The following GRM7 variants were observed in gnomAD, a reference collection of about 807,000 sequenced individuals.
GRM7 encodes the protein metabotropic glutamate receptor 7.
GRM7 carries 35 observed loss-of-function variants against 84.5 expected under a neutral mutation model. The ratio of observed to expected loss-of-function variants is 0.41; its 90% CI spans 0.32 to 0.55. The LOEUF (loss-of-function observed/expected upper bound fraction) is 0.55. GRM7 is among the 20% of genes least tolerant of loss of function. GRM7 has a pLI of 0.19. For missense variants in GRM7, 1,003 were observed against 1,194.6 expected, an observed-to-expected ratio of 0.84 and a Z score of 2.36; for synonymous variants, 487 against 455.1, an observed-to-expected ratio of 1.07 and a Z score of -0.89.
rs999062615 is a variant in GRM7 at position 7,486,196 on chromosome 3, T to C, written c.1515+24474T>C. On this transcript the variant is annotated intron_variant, in intron 7 of 9. Transcript: ENST00000357716. This position sits in a 1 kb window ranked among gnomAD's most constrained non-coding sequence, Gnocchi z 5.5. Reference sequence around the variant, plus strand: ...GTAGAAAAGAACAAGTAAAATGTCATGAGTTTTCATAATTTTTTGGTTCCT... The same window carrying C: ...GTAGAAAAGAACAAGTAAAATGTCACGAGTTTTCATAATTTTTTGGTTCCT... Among the ~76,000 whole-genome samples the C allele has an allele frequency of 6.6e-6, 1 of 152,206 alleles. No individual in the cohort carries two copies. Among genetic ancestry groups the C allele is most frequent in the Non-Finnish European group, 1.5e-5 (1 of 68,028 alleles).
intron 1 of GRM7, among the ~76,000 whole-genome samples, chr3:7,136,389 C>G (rs1480045124): frequency 1.3e-5 from 2 of 151,524 alleles, no homozygotes; most frequent in Non-Finnish European, 2.9e-5. Context: ...CCTGAGGCAT[C>G]ATAGTTTATG....
intron 4 of GRM7, among the ~76,000 whole-genome samples, chr3:7,411,375 A>G: frequency 6.6e-6 from 1 of 152,190 alleles, no homozygotes; most frequent in East Asian, 1.9e-4. Flanking sequence ...AAATAGTTAT[A>G]ACATTACCAC....
At chr3:7,090,829 C>T (rs938579537) in intron 1 of GRM7, among the ~76,000 whole-genome samples, 18 of 152,042 alleles carry the variant, frequency 1.2e-4, no homozygotes, top group Non-Finnish European at 2.1e-4. Flanking sequence ...TCAAGGTCAG[C>T]CATGAGTCTT....
intron 1 of GRM7, among the ~76,000 whole-genome samples, chr3:7,073,642 T>C (rs1697960162): frequency 6.6e-6 from 1 of 152,194 alleles, no homozygotes; most frequent in African/African-American, 2.4e-5. Context: ...CCTGTTGCTG[T>C]CGATGAGTAC....
chr3:7,543,391 AG>A (rs1009210470), intron 7 of GRM7, among the ~76,000 whole-genome samples: 66 of 152,228 alleles, frequency 4.3e-4, no homozygotes, highest in African/African-American at 1.4e-3. Flanking sequence ...CAGAAAGCAA[AG>A]ATATAAGATG....
intron 1 of GRM7, among the ~76,000 whole-genome samples, chr3:6,971,500 A>C (rs575119690): frequency 3.2e-4 from 49 of 152,268 alleles, no homozygotes; most frequent in African/African-American, 1.2e-3. Flanking sequence ...AAAATCAAGA[A>C]ACGGATATTT....
At chr3:6,986,227 C>T (rs1388130640) in intron 1 of GRM7, among the ~76,000 whole-genome samples, 2 of 152,022 alleles carry the variant, frequency 1.3e-5, no homozygotes, top group South Asian at 2.1e-4. Context: ...AATGAAAAAA[C>T]CCAAAAAACA....
intron 7 of GRM7, among the ~76,000 whole-genome samples, chr3:7,463,800 A>G (rs1868616): frequency 0.18 from 27,770 of 152,150 alleles, 2,676 homozygotes; most frequent in South Asian, 0.38. Context: ...AGCCATACTC[A>G]TGCAACCCCT....
intron 5 of GRM7, among the ~76,000 whole-genome samples, chr3:7,451,469 C>A (rs1485938033): frequency 6.6e-6 from 1 of 152,078 alleles, no homozygotes; most frequent in African/African-American, 2.4e-5. Flanking sequence ...ATCTCCCTGG[C>A]AAAGTAAACA....
intron 1 of GRM7, among the ~76,000 whole-genome samples, chr3:6,888,068 G>T (rs12497670): frequency 0.012 from 1,788 of 152,064 alleles, 18 homozygotes; most frequent in Middle Eastern, 0.031. Context: ...GCCCACTTTT[G>T]GATGGGGTTG....
At chr3:7,437,006 T>C (rs1292059766) in intron 5 of GRM7, among the ~76,000 whole-genome samples, 4 of 152,182 alleles carry the variant, frequency 2.6e-5, no homozygotes, top group South Asian at 2.1e-4. Flanking sequence ...TTGGATACAA[T>C]AGACATCAAG....
chr3:7,132,070 C>T (rs1158693075), intron 1 of GRM7, among the ~76,000 whole-genome samples: 2 of 152,158 alleles, frequency 1.3e-5, no homozygotes, highest in East Asian at 3.9e-4. Flanking sequence ...CCTCCTCTCT[C>T]CCAATTAGCT....
chr3:7,635,588 G>T (rs1442909493), intron 8 of GRM7, among the ~76,000 whole-genome samples: 2 of 152,206 alleles, frequency 1.3e-5, no homozygotes, highest in African/African-American at 4.8e-5. Context: ...TTCAGCCCTT[G>T]TTGGGAGTTG....
At chr3:7,047,505 C>T (rs975867696) in intron 1 of GRM7, among the ~76,000 whole-genome samples, 3 of 151,984 alleles carry the variant, frequency 2.0e-5, no homozygotes, top group African/African-American at 7.2e-5. Context: ...AGTGTCTTGC[C>T]CCAGGCCACA....
chr3:6,944,359 C>T (rs529465370), intron 1 of GRM7, among the ~76,000 whole-genome samples: 7 of 152,104 alleles, frequency 4.6e-5, no homozygotes, highest in African/African-American at 1.7e-4. Flanking sequence ...CCCTTTTCTC[C>T]TGGTTTTCTC....
At chr3:7,527,266 T>C (rs1700844417) in intron 7 of GRM7, among the ~76,000 whole-genome samples, 1 of 152,072 alleles carries the variant, frequency 6.6e-6, no homozygotes, top group African/African-American at 2.4e-5. Context: ...TATTTGTAGG[T>C]ATTTTATTCT....
chr3:7,223,347 C>CT (rs1370727791), intron 2 of GRM7, among the ~76,000 whole-genome samples: 1 of 151,984 alleles, frequency 6.6e-6, no homozygotes, highest in Non-Finnish European at 1.5e-5. Context: ...GCCTTCATCT[C>CT]TTACTACTAC....
Position 7,565,626 on chromosome 3 carries a change from C to T in GRM7, c.1516-12796C>T, listed in dbSNP as rs1694222556. Among the ~76,000 whole-genome samples the T allele has an allele frequency of 2.0e-5, 3 of 152,168 alleles. No homozygotes were observed. In the South Asian group the frequency reaches 6.2e-4, roughly 32 times the overall value. On this transcript the variant is annotated intron_variant, in intron 7 of 9. Coordinates refer to ENST00000357716, the MANE Select transcript of GRM7 (RefSeq NM_000844.4). ...ACGGATATCTCTGCCAAATTGTGCA[C>T]AGTTATATGGGAGGTATGAGAGCAA...
intron 1 of GRM7, among the ~76,000 whole-genome samples, chr3:7,068,403 C>G (rs184483875): frequency 4.1e-3 from 617 of 152,112 alleles, no homozygotes; most frequent in Middle Eastern, 0.01. Flanking sequence ...AAGGCCTGCA[C>G]CATCAAGTAA....
Sources: allele counts gnomAD v4.1 joint callset (sites outside exome capture counted in the v4.1 genomes callset), GRCh38; gene constraint gnomAD v4.1.1; non-coding constraint Gnocchi (gnomAD v3.1); transcripts MANE v1.5; gene names NCBI Gene and HGNC (gene_info 2026-07-23, HGNC 2026-07-21).